The following CACNA1C variants were observed in gnomAD, a reference collection of about 807,000 sequenced individuals.
CACNA1C encodes voltage-dependent L-type calcium channel subunit alpha-1C.
Under a neutral mutation model 229.0 loss-of-function variants are expected in CACNA1C, and 30 were observed. That is an observed-to-expected ratio of 0.13 (90% confidence interval 0.10 to 0.18). The LOEUF is 0.18. Ranked by LOEUF, CACNA1C falls within the 10% of genes least tolerant of loss-of-function variation. The probability of loss-of-function intolerance (pLI) is 1.00; values close to 1 mark genes in which losing one functional copy is unlikely to be tolerated. For synonymous variants in CACNA1C, 1,114 were observed against 1,132.5 expected, an observed-to-expected ratio of 0.98 and a Z score of 0.33; for missense variants, 1,658 against 2,845.0, an observed-to-expected ratio of 0.58 and a Z score of 9.49.
Position 1,985,958 on chromosome 12 carries a change from C to A in CACNA1C, c.139+14757C>A, listed in dbSNP as rs566419522. On this transcript the variant is annotated intron_variant, in intron 1 of 46. Transcript: ENST00000682462. ...CCCAAGTAGCTGGGACTGCAGGTGC[C>A]TGCCACCACACTTGGCTAATTTTGT... is the stretch of plus-strand genomic sequence containing the variant. Among the ~76,000 whole-genome samples the A allele has an allele frequency of 8.1e-4, 124 of 152,242 alleles. No individual in the cohort carries two copies. The South Asian group carries it at 8.3e-3, about 10-fold the overall frequency.
chr12:2,566,095 C>T lies in CACNA1C; in HGVS notation c.1509-327C>T, dbSNP rs989507826. On this transcript the variant is annotated intron_variant, in intron 11 of 46. Coordinates refer to ENST00000399655, the MANE Select transcript of CACNA1C (RefSeq NM_000719.7). This position sits in a 1 kb window ranked among gnomAD's most constrained non-coding sequence, Gnocchi z 4.0. ...CACTATTTCTAAGAATGCTGTTTCACAAAAATTAAAAAAACTTCCATTTAT... is the reference window on the plus strand; with the variant it reads ...CACTATTTCTAAGAATGCTGTTTCATAAAAATTAAAAAAACTTCCATTTAT... 2.0e-5 allele frequency among the ~76,000 whole-genome samples: 3 copies of T among 152,144 alleles called. No homozygotes were observed. The highest frequency in any genetic ancestry group is 7.2e-5 in the African/African-American group (3 of 41,418).
rs1393063378 is a variant in CACNA1C at position 2,235,448 on chromosome 12, A to AT, written c.477+115026dup. Among the ~76,000 whole-genome samples, 3 of 152,070 alleles carry AT rather than the reference A, an allele frequency of 2.0e-5. No homozygotes were observed. The East Asian group carries it at 5.8e-4, about 29-fold the overall frequency. The stretch of plus-strand genomic sequence containing the variant: ...CAAGGGCTGGAGCAACCCAAGGCTA[A>AT]TTTTTTTTCACCCAGAAAATCATGG... On this transcript the variant is annotated intron_variant, in intron 3 of 46. Transcript: ENST00000399655.
intron 3 of CACNA1C, among the ~76,000 whole-genome samples, chr12:2,225,522 G>A (rs1229122491): frequency 6.6e-6 from 1 of 152,178 alleles, no homozygotes; most frequent in Admixed American, 6.5e-5. Flanking sequence ...CTGGTTTTAT[G>A]TAAATGAAAT....
At chr12:2,541,225 G>A (rs1005828440) in intron 9 of CACNA1C, among the ~76,000 whole-genome samples, 11 of 152,152 alleles carry the variant, frequency 7.2e-5, no homozygotes, top group Non-Finnish European at 1.6e-4. Context: ...CTGAATTTCC[G>A]AGGGGATATA....
chr12:2,362,378 C>T (rs908001682), intron 3 of CACNA1C, among the ~76,000 whole-genome samples: 2 of 152,190 alleles, frequency 1.3e-5, no homozygotes, highest in Admixed American at 6.5e-5. Context: ...CCTTCACTCA[C>T]GTGGGCCTGT....
intron 3 of CACNA1C, among the ~76,000 whole-genome samples, chr12:2,170,674 T>G (rs1342812659): frequency 6.6e-6 from 1 of 152,248 alleles, no homozygotes; most frequent in East Asian, 1.9e-4. Flanking sequence ...TCTAGAAGCC[T>G]GGGCTGGTAG....
chr12:2,567,881 AG>A lies in CACNA1C; in HGVS notation c.1895+93del, dbSNP rs1568472634. ...AGGGAGGTGGCAAGGCCTGGGTGGG[AG>A]GGGGGCTGTTCTTCCTCAAAGGGTG... On this transcript the variant is annotated intron_variant, in intron 13 of 46. Coordinates refer to ENST00000399655, the MANE Select transcript of CACNA1C (RefSeq NM_000719.7). 4.2e-5 allele frequency: 31 copies of A among 735,940 alleles called. No homozygotes were observed. The South Asian group carries it at 4.7e-4, about 11-fold the overall frequency. The allele number at this position is 735,940 out of a possible 1,614,324, so 45.6% of individuals were successfully genotyped here. A position where few individuals can be genotyped will look rare whatever the true frequency, so the allele number is the denominator to read the frequency against.
At chr12:2,157,414 G>A (rs1033437423) in intron 3 of CACNA1C, among the ~76,000 whole-genome samples, 1 of 152,200 alleles carries the variant, frequency 6.6e-6, no homozygotes, top group African/African-American at 2.4e-5. Flanking sequence ...AGGTCTGCAT[G>A]GGGGCACCAC....
intron 3 of CACNA1C, among the ~76,000 whole-genome samples, chr12:2,360,078 A>G (rs950939557): frequency 1.3e-5 from 2 of 151,816 alleles, no homozygotes; most frequent in African/African-American, 4.8e-5. Context: ...CGTGGGCCCT[A>G]TCCAGACCTC....
chr12:2,448,398 T>A (rs1360030555), intron 3 of CACNA1C, among the ~76,000 whole-genome samples: 2 of 152,176 alleles, frequency 1.3e-5, no homozygotes, highest in Admixed American at 6.5e-5. Context: ...CATTTCTGGA[T>A]CGGTGTATGT....
intron 3 of CACNA1C, among the ~76,000 whole-genome samples, chr12:2,414,259 C>T (rs1483136393): frequency 5.3e-5 from 8 of 152,262 alleles, no homozygotes; most frequent in Non-Finnish European, 1.2e-4. Context: ...GTATTCTCCT[C>T]ACTCCACTAG....
intron 3 of CACNA1C, among the ~76,000 whole-genome samples, chr12:2,318,592 G>T (rs1002217602): frequency 1.3e-5 from 2 of 152,240 alleles, no homozygotes; most frequent in African/African-American, 4.8e-5. Flanking sequence ...TCTAGAGAAG[G>T]CTCTGCTAAG....
intron 2 of CACNA1C, among the ~76,000 whole-genome samples, chr12:2,116,879 G>C (rs2299664): frequency 6.6e-6 from 1 of 152,024 alleles, no homozygotes; most frequent in Non-Finnish European, 1.5e-5. Flanking sequence ...AGGCTTCATC[G>C]ATGAGTTTCT....
At chr12:2,438,538 G>T (rs2099180327) in intron 3 of CACNA1C, among the ~76,000 whole-genome samples, 2 of 152,006 alleles carry the variant, frequency 1.3e-5, no homozygotes, top group Non-Finnish European at 2.9e-5. Context: ...AAGTGGCAGG[G>T]ATGGGAAGGG....
chr12:2,658,282 C>A (rs1236322585), intron 34 of CACNA1C, among the ~76,000 whole-genome samples: 1 of 152,204 alleles, frequency 6.6e-6, no homozygotes, highest in Non-Finnish European at 1.5e-5. Context: ...AAAACAAAAA[C>A]CCCTCCAAAA....
chr12:2,262,743 C>T (rs2080808005), intron 3 of CACNA1C, among the ~76,000 whole-genome samples: 1 of 152,156 alleles, frequency 6.6e-6, no homozygotes, highest in Admixed American at 6.5e-5. Context: ...AAGTTAGTGA[C>T]CGCAGGCAGA....
intron 5 of CACNA1C, among the ~76,000 whole-genome samples, chr12:2,463,913 C>G (rs991986426): frequency 6.6e-6 from 1 of 152,160 alleles, no homozygotes; most frequent in African/African-American, 2.4e-5. Context: ...AAAGACTAAG[C>G]CATATGGAGG....
intron 3 of CACNA1C, among the ~76,000 whole-genome samples, chr12:2,406,728 AT>A (rs2098741708): frequency 6.6e-6 from 1 of 152,160 alleles, no homozygotes; most frequent in Non-Finnish European, 1.5e-5. Context: ...CCACCTAAAC[AT>A]TTTTGTCAGA....
Position 2,348,109 on chromosome 12 carries a change from C to T in CACNA1C, c.478-100867C>T, listed in dbSNP as rs1166245802. 6.6e-6 allele frequency among the ~76,000 whole-genome samples: 1 copy of T among 152,206 alleles called. No homozygotes were observed. Among genetic ancestry groups the T allele is most frequent in the Non-Finnish European group, 1.5e-5 (1 of 68,028 alleles). On this transcript the variant is annotated intron_variant, in intron 3 of 46. Coordinates refer to ENST00000399655, the MANE Select transcript of CACNA1C (RefSeq NM_000719.7). The surrounding 1 kb of genome is among the most constrained non-coding windows in gnomAD (Gnocchi z 4.7). ...GACTGTGCGGCAGGCCCACTCTCAA[C>T]TCGAGGGGAGCCCCTCCTGCCTGCT...
Sources: allele counts gnomAD v4.1 joint callset (sites outside exome capture counted in the v4.1 genomes callset), GRCh38; gene constraint gnomAD v4.1.1; non-coding constraint Gnocchi (gnomAD v3.1); transcripts MANE v1.5; gene names NCBI Gene and HGNC (gene_info 2026-07-23, HGNC 2026-07-21).